Variants in WDR70 observed in about 807,000 individuals in gnomAD.
WDR70 encodes the protein WD repeat-containing protein 70.
Under a neutral mutation model 88.6 loss-of-function variants are expected in WDR70, and 53 were observed. That is an observed-to-expected ratio of 0.60 (90% CI 0.48 to 0.75). The LOEUF (loss-of-function observed/expected upper bound fraction) is 0.75. WDR70 is among the 30% of genes least tolerant of loss of function. The pLI is 0.00. For missense variants in WDR70, 610 were observed against 823.2 expected (o/e 0.74, Z 3.17); for synonymous variants, 280 against 270.0 (o/e 1.04, Z -0.36).
intron 10 of WDR70, chr5:37,619,954 C>T (rs565385901): frequency 4.3e-5 from 6 of 140,516 alleles, no homozygotes; most frequent in African/African-American, 8.0e-5. Context: ...AGATTCAAAC[C>T]GGTAATAGCA....
Position 37,721,124 on chromosome 5 carries a change from C to T in WDR70, c.1426C>T (p.Arg476Cys), listed in dbSNP as rs749065113. Residue 476 changes from arginine (R) to cysteine (C), a missense_variant, in exon 14 of 18, where the codon CGC becomes TGC. Physicochemically the swap from Arg to Cys is radical, Grantham distance 180. Coordinates refer to ENST00000265107, the MANE Select transcript of WDR70 (RefSeq NM_018034.4). ...EIDITDASVV[R>C]CLWHPKLNQI... ...CGCTTTTCCTTTGCAGAGTGTTGTT[C>T]GCTGCCTGTGGCATCCAAAGCTGAA... 25 of 1,613,546 alleles carry T rather than the reference C, an allele frequency of 1.5e-5. No homozygotes were observed. The highest frequency in any genetic ancestry group is 2.2e-5 in the South Asian group (2 of 91,066).
intron 7 of WDR70, among the ~76,000 whole-genome samples, chr5:37,466,410 G>A (rs1739150080): frequency 6.6e-6 from 1 of 152,242 alleles, no homozygotes; most frequent in African/African-American, 2.4e-5. Context: ...ATTTAAATAA[G>A]ATAAAATAAA....
intron 10 of WDR70, among the ~76,000 whole-genome samples, chr5:37,656,592 A>G (rs1393802077): frequency 6.6e-6 from 1 of 152,096 alleles, no homozygotes; most frequent in Non-Finnish European, 1.5e-5. Flanking sequence ...TGGCACGTTT[A>G]TCTTATAAGC....
rs371305019 is a variant in WDR70 at position 37,557,526 on chromosome 5, A to G, written c.917+40936A>G. Reference sequence around the variant, plus strand: ...ACTCATATGACTCTCTCACAAGATCAGCAATTGCAAGAGCCTTCCTTTTTT... The same window carrying G: ...ACTCATATGACTCTCTCACAAGATCGGCAATTGCAAGAGCCTTCCTTTTTT... On this transcript the variant is annotated intron_variant, in intron 9 of 17. Coordinates refer to ENST00000265107, the MANE Select transcript of WDR70 (RefSeq NM_018034.4). Among the ~76,000 whole-genome samples the G allele has an allele frequency of 1.1e-4, 16 of 152,182 alleles. No homozygotes were observed. In the East Asian group the frequency reaches 1.7e-3, roughly 17 times the overall value.
At chr5:37,615,985 G>A (rs930036902) in intron 10 of WDR70, among the ~76,000 whole-genome samples, 1 of 152,078 alleles carries the variant, frequency 6.6e-6, no homozygotes, top group Non-Finnish European at 1.5e-5. Context: ...TTTAAATCAC[G>A]TTAAACGCAA....
intron 9 of WDR70, among the ~76,000 whole-genome samples, chr5:37,579,678 C>T (rs1009104942): frequency 4.0e-5 from 6 of 150,594 alleles, no homozygotes; most frequent in African/African-American, 9.8e-5. Flanking sequence ...AAAATTGGAT[C>T]TCAGTGTATT....
chr5:37,457,899 G>T (rs1172239532), intron 7 of WDR70, among the ~76,000 whole-genome samples: 1 of 151,480 alleles, frequency 6.6e-6, no homozygotes, highest in Non-Finnish European at 1.5e-5. Flanking sequence ...TCCCTGTCTT[G>T]TGCCAGTTTT....
chr5:37,551,107 C>T (rs556761072), intron 9 of WDR70, among the ~76,000 whole-genome samples: 1 of 152,018 alleles, frequency 6.6e-6, no homozygotes, highest in Admixed American at 6.5e-5. Flanking sequence ...AGTTCAAGAC[C>T]AGCCTGACCA....
chr5:37,662,209 G>A (rs1161379121), intron 10 of WDR70, among the ~76,000 whole-genome samples: 1 of 152,188 alleles, frequency 6.6e-6, no homozygotes, highest in Admixed American at 6.5e-5. Context: ...TTCAGAACAT[G>A]ACATACTGGT....
At chr5:37,657,455 C>T (rs1032839754) in intron 10 of WDR70, among the ~76,000 whole-genome samples, 3 of 152,086 alleles carry the variant, frequency 2.0e-5, no homozygotes, top group Non-Finnish European at 4.4e-5. Flanking sequence ...CCAGCCACCC[C>T]GGGCTTCATT....
intron 8 of WDR70, among the ~76,000 whole-genome samples, chr5:37,483,993 G>A (rs1739768168): frequency 6.6e-6 from 1 of 151,450 alleles, no homozygotes; most frequent in African/African-American, 2.4e-5. Flanking sequence ...CATCTCAGAC[G>A]ATGGGCGGCC....
At chr5:37,400,828 G>A (rs969343989) in intron 5 of WDR70, among the ~76,000 whole-genome samples, 2 of 152,132 alleles carry the variant, frequency 1.3e-5, no homozygotes, top group African/African-American at 4.8e-5. Flanking sequence ...CTATAGCGAA[G>A]GCCCAAATGT....
At chr5:37,606,451 T>C (rs1289850954) in intron 10 of WDR70, among the ~76,000 whole-genome samples, 4 of 152,236 alleles carry the variant, frequency 2.6e-5, no homozygotes, top group African/African-American at 9.6e-5. Flanking sequence ...ACAGAAATTA[T>C]AAAACATGCA....
At chr5:37,482,494 A>G (rs1739703932) in intron 8 of WDR70, among the ~76,000 whole-genome samples, 1 of 152,204 alleles carries the variant, frequency 6.6e-6, no homozygotes, top group Admixed American at 6.5e-5. Context: ...CATGAGACTT[A>G]TTCAGTACCA....
At chr5:37,495,449 T>C (rs1275101601) in intron 8 of WDR70, among the ~76,000 whole-genome samples, 3 of 152,000 alleles carry the variant, frequency 2.0e-5, no homozygotes, top group Admixed American at 2.0e-4. Context: ...GCAATCTCTC[T>C]CTCTCTCTCT....
intron 9 of WDR70, among the ~76,000 whole-genome samples, chr5:37,527,790 A>C (rs904952704): frequency 6.6e-6 from 1 of 151,918 alleles, no homozygotes; most frequent in African/African-American, 2.4e-5. Flanking sequence ...TTACAAGAAA[A>C]AAACAACCCC....
chr5:37,624,073 A>T (rs1744595665), intron 10 of WDR70, among the ~76,000 whole-genome samples: 1 of 152,096 alleles, frequency 6.6e-6, no homozygotes, highest in African/African-American at 2.4e-5. Flanking sequence ...TCGTCATTCC[A>T]GCTATTTGAA....
At chr5:37,712,671 C>G (rs1261190642) in intron 13 of WDR70, among the ~76,000 whole-genome samples, 1 of 151,944 alleles carries the variant, frequency 6.6e-6, no homozygotes, top group Non-Finnish European at 1.5e-5. Context: ...TTTTTCTCAT[C>G]TTTATTATCT....
chr5:37,687,291 A>ATTTGGGAGG (rs1303405174), intron 10 of WDR70, among the ~76,000 whole-genome samples: 1 of 152,174 alleles, frequency 6.6e-6, no homozygotes, highest in Non-Finnish European at 1.5e-5. Context: ...TTGATATAAA[A>ATTTGGGAGG]TTTGGGAGGT....
Sources: allele counts gnomAD v4.1 joint callset (sites outside exome capture counted in the v4.1 genomes callset), GRCh38; gene constraint gnomAD v4.1.1; transcripts MANE v1.5; gene names NCBI Gene and HGNC (gene_info 2026-07-23, HGNC 2026-07-21).